The following GLIS3 variants were observed in gnomAD, a reference collection of about 807,000 sequenced individuals.
The protein encoded by GLIS3 is GLIS family zinc finger 3.
In GLIS3, 53 loss-of-function variants were observed where a neutral mutation model predicts 78.6. The observed-to-expected ratio is 0.67, with a 90% confidence interval of 0.54 to 0.85. The LOEUF (loss-of-function observed/expected upper bound fraction) is 0.85. Among genes scored for constraint, GLIS3 ranks in the 40% least tolerant of loss-of-function variants. The pLI is 0.00. For synonymous variants in GLIS3, 684 were observed against 509.9 expected, an observed-to-expected ratio of 1.34 and a Z score of -4.60; for missense variants, 1,703 against 1,231.1, an observed-to-expected ratio of 1.38 and a Z score of -5.74.
intron 4 of GLIS3, among the ~76,000 whole-genome samples, chr9:4,111,982 T>A (rs892874021): frequency 7.2e-5 from 11 of 152,226 alleles, no homozygotes; most frequent in African/African-American, 2.7e-4. Flanking sequence ...GAAATGTCCA[T>A]AGTAGCAAAA....
In GLIS3 at chr9:4,049,046, T is replaced by G. The variant is rs116316194; in HGVS notation, c.1710+68722A>C. Among the ~76,000 whole-genome samples, 1,184 of 152,224 alleles carry G rather than the reference T, an allele frequency of 7.8e-3. 21 individuals carry two copies. The highest frequency in any genetic ancestry group is 0.027 in the African/African-American group (1,126 of 41,516). On this transcript the variant is annotated intron_variant, in intron 4 of 10. Coordinates refer to ENST00000381971, the MANE Select transcript of GLIS3 (RefSeq NM_001042413.2). ...TACAGAGAGGGCTAAGAACAAATGG[T>G]GAGGTTCTAACCAAATAGCAGTTCA...
chr9:4,219,282 T>G (rs1371921064), intron 2 of GLIS3, among the ~76,000 whole-genome samples: 1 of 152,238 alleles, frequency 6.6e-6, no homozygotes, highest in Non-Finnish European at 1.5e-5. Context: ...GATTTAGGTC[T>G]TCAAACAATC....
At chr9:4,117,316 T>C (rs1328912368) in intron 4 of GLIS3, among the ~76,000 whole-genome samples, 1 of 152,050 alleles carries the variant, frequency 6.6e-6, no homozygotes, top group Non-Finnish European at 1.5e-5. Context: ...AAGTGGTGAG[T>C]TCCTTTTCAA....
At chr9:4,153,037 G>A (rs553016180) in intron 2 of GLIS3, among the ~76,000 whole-genome samples, 2 of 152,246 alleles carry the variant, frequency 1.3e-5, no homozygotes, top group South Asian at 2.1e-4. Flanking sequence ...ATTGTAGGAT[G>A]CTGAGCAGCA....
At position 3,955,495 on chromosome 9, in the gene GLIS3, T is replaced by G. The variant is rs186869550; in HGVS notation, c.1711-18306A>C. On this transcript the variant is annotated intron_variant, in intron 4 of 10. Coordinates refer to ENST00000381971, the MANE Select transcript of GLIS3 (RefSeq NM_001042413.2). ...GATGGCCTGCTTCAAGAGGCTGTTG[T>G]GACACCACAAGAGATATTATATATG... Among the ~76,000 whole-genome samples, 221 of 152,312 alleles carry G rather than the reference T, an allele frequency of 1.5e-3. 3 individuals carry two copies. Among genetic ancestry groups the G allele is most frequent in the Admixed American group, 0.011 (170 of 15,304 alleles).
intron 4 of GLIS3, among the ~76,000 whole-genome samples, chr9:4,047,080 G>C (rs1029655751): frequency 2.0e-5 from 3 of 152,152 alleles, no homozygotes; most frequent in Non-Finnish European, 4.4e-5. Flanking sequence ...ATCCCCATGA[G>C]TTGAGGGAGA....
chr9:3,898,311 CAT>C (rs1823014175), intron 7 of GLIS3: 2 of 301,366 alleles, frequency 6.6e-6, no homozygotes, highest in African/African-American at 2.2e-5. Flanking sequence ...CCTTTTAAAA[CAT>C]AAAGATGACA....
intron 3 of GLIS3, among the ~76,000 whole-genome samples, chr9:4,309,775 A>C (rs1479546652): frequency 6.6e-6 from 1 of 152,010 alleles, no homozygotes; most frequent in African/African-American, 2.4e-5. Flanking sequence ...ACATGACATC[A>C]GGAGATCATC....
chr9:4,231,237 A>C (rs1332249628), intron 2 of GLIS3, among the ~76,000 whole-genome samples: 1 of 152,244 alleles, frequency 6.6e-6, no homozygotes, highest in Non-Finnish European at 1.5e-5. Context: ...AGTCAACTGA[A>C]CTAGAAAAAC....
At chr9:4,312,935 C>T (rs1219662837) in intron 2 of GLIS3, among the ~76,000 whole-genome samples, 1 of 152,216 alleles carries the variant, frequency 6.6e-6, no homozygotes, top group South Asian at 2.1e-4. Flanking sequence ...GTAACGTTAG[C>T]CCCACATGCA....
intron 2 of GLIS3, among the ~76,000 whole-genome samples, chr9:4,216,061 G>C (rs1342212412): frequency 6.6e-6 from 1 of 152,020 alleles, no homozygotes; most frequent in Non-Finnish European, 1.5e-5. Context: ...CACATAAATT[G>C]ACTACATATA....
the GLIS3 span, among the ~76,000 whole-genome samples, chr9:4,481,156 C>T: frequency 2.0e-5 from 3 of 152,112 alleles, no homozygotes; most frequent in African/African-American, 7.2e-5. Flanking sequence ...TCACCCAGCC[C>T]TATCTACTGT....
intron 1 of GLIS3, among the ~76,000 whole-genome samples, chr9:4,293,757 G>A (rs1203180771): frequency 6.6e-6 from 1 of 152,158 alleles, no homozygotes; most frequent in Non-Finnish European, 1.5e-5. Flanking sequence ...CTTTATCATG[G>A]AGCATAGGAC....
At chr9:4,448,625 G>A in the GLIS3 span, among the ~76,000 whole-genome samples, 1 of 152,230 alleles carries the variant, frequency 6.6e-6, no homozygotes, top group Non-Finnish European at 1.5e-5. Flanking sequence ...TGAAGCAGGT[G>A]TGACCACATA....
chr9:3,935,147 G>A (rs1563867412), intron 5 of GLIS3, among the ~76,000 whole-genome samples: 2 of 152,144 alleles, frequency 1.3e-5, no homozygotes, highest in South Asian at 2.1e-4. Context: ...TTAATGAAAG[G>A]GAACAAGGAC....
intron 4 of GLIS3, among the ~76,000 whole-genome samples, chr9:4,089,909 T>C (rs1358044535): frequency 6.6e-6 from 1 of 152,208 alleles, no homozygotes; most frequent in African/African-American, 2.4e-5. Context: ...TTCCGGGTGA[T>C]CATAAAGAGG....
At chr9:4,232,704 A>C (rs1205128179) in intron 2 of GLIS3, among the ~76,000 whole-genome samples, 1 of 152,234 alleles carries the variant, frequency 6.6e-6, no homozygotes, top group Non-Finnish European at 1.5e-5. Context: ...GGAAGTACCC[A>C]TAATAAAGAT....
chr9:3,943,480 GTTTGCTAAAAGGTAATATCTGA>G (rs1197028644), intron 4 of GLIS3, among the ~76,000 whole-genome samples: 2 of 152,142 alleles, frequency 1.3e-5, no homozygotes, highest in Non-Finnish European at 2.9e-5. Flanking sequence ...TTTCCTTTTG[GTTTGCTAAAAGGTAATATCTGA>G]TTTTATAACA....
intron 4 of GLIS3, among the ~76,000 whole-genome samples, chr9:4,084,256 A>AACACACACATACACACAC (rs1554691507): frequency 0.011 from 1,468 of 132,188 alleles, 8 homozygotes; most frequent in Non-Finnish European, 0.015. Flanking sequence ...TCCTCTCTCT[A>AACACACACATACACACAC]ACACACACAC....
Sources: gnomAD v4.1 joint callset for allele counts (sites outside exome capture counted in the v4.1 genomes callset) on GRCh38, gnomAD v4.1.1 for gene constraint, MANE v1.5 for transcripts, NCBI Gene and HGNC (gene_info 2026-07-23, HGNC 2026-07-21) for gene names.